The following GOLM2 variants were observed in gnomAD, a reference collection of about 807,000 sequenced individuals.
GOLM2 encodes the protein protein GOLM2.
Under a neutral mutation model 55.9 loss-of-function variants are expected in GOLM2, and 26 were observed. The ratio of observed to expected loss-of-function variants is 0.47; its 90% CI spans 0.34 to 0.65. GOLM2 has a LOEUF of 0.65. Among genes scored for constraint, GOLM2 ranks in the 30% least tolerant of loss-of-function variants. The probability of loss-of-function intolerance (pLI) is 0.01; values close to 1 mark genes in which losing one functional copy is unlikely to be tolerated. For missense variants in GOLM2, 486 were observed against 531.8 expected, an observed-to-expected ratio of 0.91 and a Z score of 0.85; for synonymous variants, 165 against 194.6, an observed-to-expected ratio of 0.85 and a Z score of 1.27.
chr15:44,320,385 A>G (rs759682262), intron 1 of GOLM2, among the ~76,000 whole-genome samples: 17 of 152,052 alleles, frequency 1.1e-4, no homozygotes, highest in Admixed American at 5.2e-4. Context: ...TGCAGCCTCA[A>G]ACTCCTGGGC....
At chr15:44,357,696 G>A (rs771282925) in intron 6 of GOLM2, among the ~76,000 whole-genome samples, 1 of 152,164 alleles carries the variant, frequency 6.6e-6, no homozygotes, top group Non-Finnish European at 1.5e-5. Context: ...AGTGATTATA[G>A]AAAGGTTGCA....
At position 44,413,316 on chromosome 15, in the gene GOLM2, C is replaced by T; in HGVS notation, c.1241-20C>T. The T allele has an allele frequency of 6.4e-7, 1 of 1,572,608 alleles. No individual in the cohort carries two copies. The highest frequency in any genetic ancestry group is 8.7e-7 in the Non-Finnish European group (1 of 1,147,792). On this transcript the variant is annotated intron_variant, in intron 9 of 9. Coordinates refer to ENST00000299957, the MANE Select transcript of GOLM2 (RefSeq NM_138423.4). ...TGATTTAAAAAATAATATGTTGATA[C>T]AAAATTATTTTACTTACAGATGATG...
intron 6 of GOLM2, among the ~76,000 whole-genome samples, chr15:44,366,506 C>T (rs1248522815): frequency 6.6e-6 from 1 of 151,954 alleles, no homozygotes; most frequent in Non-Finnish European, 1.5e-5. Context: ...TGGTGGCATA[C>T]GCCTGTAGTC....
At chr15:44,345,835 C>G (rs2141154152) in intron 6 of GOLM2, 1 of 151,902 alleles carries the variant, frequency 6.6e-6, no homozygotes, top group East Asian at 1.9e-4. Flanking sequence ...TCCCTTGGTT[C>G]TTATTTTTCT....
intron 1 of GOLM2, among the ~76,000 whole-genome samples, chr15:44,303,821 C>T (rs549373233): frequency 6.0e-5 from 9 of 150,862 alleles, no homozygotes; most frequent in South Asian, 2.1e-4. Context: ...ACGCAACTTC[C>T]ACCTCCCAGG....
At chr15:44,300,220 G>A (rs1567019844) in intron 1 of GOLM2, among the ~76,000 whole-genome samples, 1 of 147,514 alleles carries the variant, frequency 6.8e-6, no homozygotes, top group Non-Finnish European at 1.5e-5. Flanking sequence ...GGAAGAAAGA[G>A]GGAGAGGGAG....
intron 8 of GOLM2, among the ~76,000 whole-genome samples, chr15:44,393,717 T>G (rs2079506471): frequency 6.6e-6 from 1 of 152,102 alleles, no homozygotes; most frequent in Non-Finnish European, 1.5e-5. Flanking sequence ...GCCTCCCACA[T>G]TCAAGCGTTT....
At chr15:44,395,613 G>A (rs971200911) in intron 8 of GOLM2, among the ~76,000 whole-genome samples, 4 of 151,738 alleles carry the variant, frequency 2.6e-5, no homozygotes, top group African/African-American at 4.8e-5. Flanking sequence ...AGGCCAAGGC[G>A]GGCGAATCAC....
chr15:44,396,432 A>AGAAGG, intron 8 of GOLM2, among the ~76,000 whole-genome samples: 1 of 152,232 alleles, frequency 6.6e-6, no homozygotes, highest in East Asian at 1.9e-4. Context: ...CTCATTTAAC[A>AGAAGG]TTTGCTTTCT....
chr15:44,328,260 G>T (rs1303221635), intron 2 of GOLM2, among the ~76,000 whole-genome samples: 3 of 152,176 alleles, frequency 2.0e-5, no homozygotes, highest in African/African-American at 7.2e-5. Flanking sequence ...TGGCCAGATT[G>T]CTTGAGCCCA....
At chr15:44,394,928 T>C (rs932500913) in intron 8 of GOLM2, among the ~76,000 whole-genome samples, 1 of 152,236 alleles carries the variant, frequency 6.6e-6, no homozygotes, top group African/African-American at 2.4e-5. Context: ...TTTCATTCTC[T>C]CTAGGTTTAT....
chr15:44,379,597 A>C (rs2079387724), intron 6 of GOLM2, 93 bp from the exon 7 acceptor site: 3 of 711,402 alleles, frequency 4.2e-6, no homozygotes, highest in Non-Finnish European at 4.8e-6. Context: ...GAATTAGTGC[A>C]ATGTAAATTG....
At position 44,328,770 on chromosome 15, in the gene GOLM2, G is replaced by C. The variant is rs1392491272; in HGVS notation, c.468G>C (p.Lys156Asn). ...DYRKNNTYLV[K>N]RLEYESFQCG... ...GGAAGAACAATACTTACCTTGTGAAGAGGTTAGAATATGAAAGGTAAGATG... is the reference window on the plus strand; with the variant it reads ...GGAAGAACAATACTTACCTTGTGAACAGGTTAGAATATGAAAGGTAAGATG... The change falls in exon 3 of 10, where the codon AAG becomes AAC. Residue 156 changes from lysine to asparagine, a missense_variant. Physicochemically the swap from Lys to Asn is moderately conservative, Grantham distance 94. Coordinates refer to ENST00000299957, the MANE Select transcript of GOLM2 (RefSeq NM_138423.4). The C allele has an allele frequency of 6.2e-7, 1 of 1,607,258 alleles. No individual in the cohort carries two copies. The highest frequency in any genetic ancestry group is 8.5e-7 in the Non-Finnish European group (1 of 1,176,838).
At chr15:44,332,412 C>T in intron 4 of GOLM2, among the ~76,000 whole-genome samples, 1 of 151,990 alleles carries the variant, frequency 6.6e-6, no homozygotes. Flanking sequence ...CAAAATATAG[C>T]CAGGCTTGGT....
At chr15:44,319,860 A>G (rs550159677) in intron 1 of GOLM2, among the ~76,000 whole-genome samples, 80 of 152,316 alleles carry the variant, frequency 5.3e-4, no homozygotes, top group Non-Finnish European at 8.8e-4. Flanking sequence ...AAGTGTTGGG[A>G]TTACAGGCGT....
At chr15:44,375,183 G>T (rs1043358894) in intron 6 of GOLM2, among the ~76,000 whole-genome samples, 1 of 151,910 alleles carries the variant, frequency 6.6e-6, no homozygotes, top group African/African-American at 2.4e-5. Context: ...ATTATACCCG[G>T]CTAATTTTTG....
chr15:44,404,270 T>C, intron 9 of GOLM2, among the ~76,000 whole-genome samples: 1 of 152,166 alleles, frequency 6.6e-6, no homozygotes, highest in South Asian at 2.1e-4. Context: ...ACAAGCATTG[T>C]TTTTATAAAA....
At chr15:44,366,098 C>T (rs1450711425) in intron 6 of GOLM2, among the ~76,000 whole-genome samples, 1 of 151,526 alleles carries the variant, frequency 6.6e-6, no homozygotes, top group Non-Finnish European at 1.5e-5. Flanking sequence ...GAGATCGCGA[C>T]CACCCTGGCT....
At chr15:44,321,158 G>C (rs965355032) in intron 1 of GOLM2, among the ~76,000 whole-genome samples, 5 of 152,018 alleles carry the variant, frequency 3.3e-5, no homozygotes, top group Admixed American at 3.3e-4. Flanking sequence ...GTGGGGGACT[G>C]GGGGTTGGGG....
Sources: allele counts gnomAD v4.1 joint callset (sites outside exome capture counted in the v4.1 genomes callset), GRCh38; gene constraint gnomAD v4.1.1; transcripts MANE v1.5; gene names NCBI Gene and HGNC (gene_info 2026-07-23, HGNC 2026-07-21).